SLC7A1: variants seen among roughly 807,000 people sequenced by gnomAD.
SLC7A1 encodes solute carrier family 7 member 1, also known as high affinity cationic amino acid transporter 1.
SLC7A1 carries 10 observed loss-of-function variants against 53.9 expected under a neutral mutation model. That is an observed-to-expected ratio of 0.19 (90% confidence interval 0.11 to 0.31). The LOEUF is 0.31. SLC7A1 is among the 10% of genes least tolerant of loss of function. The pLI is 1.00. For missense variants in SLC7A1, 525 were observed against 827.2 expected (o/e 0.63, Z 4.48); for synonymous variants, 342 against 338.7 (o/e 1.01, Z -0.11).
intron 5 of SLC7A1, among the ~76,000 whole-genome samples, chr13:29,530,206 C>T (rs1869086006): frequency 6.6e-6 from 1 of 152,126 alleles, no homozygotes; most frequent in Admixed American, 6.5e-5. Flanking sequence ...CAAAGTTGGC[C>T]ATCAAACAGA....
At chr13:29,593,292 T>C (rs1872182931) in intron 1 of SLC7A1, among the ~76,000 whole-genome samples, 1 of 152,210 alleles carries the variant, frequency 6.6e-6, no homozygotes, top group Non-Finnish European at 1.5e-5. Flanking sequence ...GCCAATCCTA[T>C]TGGATCTGCC....
intron 1 of SLC7A1, among the ~76,000 whole-genome samples, chr13:29,586,063 G>A (rs911864720): frequency 6.6e-6 from 1 of 152,104 alleles, no homozygotes; most frequent in Non-Finnish European, 1.5e-5. Context: ...CCCCATCTGG[G>A]AACATTAGGA....
intron 3 of SLC7A1, 104 bp from the exon 4 acceptor site, chr13:29,533,086 G>T: frequency 8.5e-7 from 1 of 1,174,264 alleles, no homozygotes; most frequent in Non-Finnish European, 1.2e-6. Flanking sequence ...GTCACCGACG[G>T]TGCACTGGAA....
intron 1 of SLC7A1, among the ~76,000 whole-genome samples, chr13:29,557,767 A>G (rs1336355563): frequency 5.5e-5 from 5 of 91,124 alleles, no homozygotes; most frequent in Middle Eastern, 5.5e-3. Context: ...AGGAGTGAAT[A>G]TGAGTGAGGG....
intron 1 of SLC7A1, among the ~76,000 whole-genome samples, chr13:29,591,000 C>A (rs1261970335): frequency 2.6e-5 from 4 of 152,010 alleles, no homozygotes; most frequent in Non-Finnish European, 5.9e-5. Context: ...GTTCCAGGTA[C>A]CTCAGAGGCT....
intron 9 of SLC7A1, 77 bp from the exon 10 acceptor site, chr13:29,517,867 G>A (rs1593538931): frequency 8.6e-7 from 1 of 1,158,126 alleles, no homozygotes; most frequent in East Asian, 2.4e-5. Context: ...TTCTCAATAA[G>A]CCTCCAAAGT....
At chr13:29,516,012 G>A in intron 12 of SLC7A1, 126 bp downstream of exon 12, 1 of 604,364 alleles carries the variant, frequency 1.7e-6, no homozygotes, top group Non-Finnish European at 3.0e-6. Context: ...CAGCCTACCA[G>A]GGATTCAGCA....
At position 29,538,815 on chromosome 13, in the gene SLC7A1, C is replaced by T. The variant is rs571664281; in HGVS notation, c.-14-2613G>A. 4.6e-5 allele frequency among the ~76,000 whole-genome samples: 7 copies of T among 152,286 alleles called. No homozygotes were observed. In the South Asian group the frequency reaches 1.0e-3, roughly 23 times the overall value. On this transcript the variant is annotated intron_variant, in intron 2 of 12. Coordinates refer to ENST00000380752, the MANE Select transcript of SLC7A1 (RefSeq NM_003045.5). ...GCTGGGAGATGTGCAAAAATTGCTG[C>T]GAAGTCACTTCTCAATATCCCTTTT... is the stretch of plus-strand genomic sequence containing the variant.
At chr13:29,587,261 C>T (rs1040558713) in intron 1 of SLC7A1, among the ~76,000 whole-genome samples, 1 of 152,246 alleles carries the variant, frequency 6.6e-6, no homozygotes, top group African/African-American at 2.4e-5. Flanking sequence ...AGCAAAGACC[C>T]GTTCTGGGCC....
Position 29,510,512 on chromosome 13 carries a change from T to C in SLC7A1, c.*3968A>G, listed in dbSNP as rs1341166507. 6.6e-6 allele frequency: 1 copy of C among 152,276 alleles called. No individual in the cohort carries two copies. Among genetic ancestry groups the C allele is most frequent in the Non-Finnish European group, 1.5e-5 (1 of 68,036 alleles). The allele number at this position is 152,276 out of a possible 1,614,324, so 9.4% of individuals were successfully genotyped here. Reference sequence around the variant, plus strand: ...ATGACGATGGCAAACAGATATATTTTAAATTACACGTAACAATTATACATA... The same window carrying C: ...ATGACGATGGCAAACAGATATATTTCAAATTACACGTAACAATTATACATA... On this transcript the variant is annotated 3_prime_UTR_variant, in exon 13 of 13. Coordinates refer to ENST00000380752, the MANE Select transcript of SLC7A1 (RefSeq NM_003045.5).
At chr13:29,565,518 A>T (rs1870932611) in intron 1 of SLC7A1, among the ~76,000 whole-genome samples, 1 of 152,116 alleles carries the variant, frequency 6.6e-6, no homozygotes. Context: ...CTTCTCCAGG[A>T]CCTCTTATAG....
At chr13:29,534,050 A>T (rs1869294504) in intron 3 of SLC7A1, among the ~76,000 whole-genome samples, 1 of 152,124 alleles carries the variant, frequency 6.6e-6, no homozygotes, top group African/African-American at 2.4e-5. Context: ...TTCTGTAAAA[A>T]TGGTCTCACC....
chr13:29,535,669 T>A, intron 3 of SLC7A1, 150 bp downstream of exon 3: 1 of 745,220 alleles, frequency 1.3e-6, no homozygotes, highest in East Asian at 2.7e-5. Flanking sequence ...AGAAACTAAA[T>A]ACCTCTAAAT....
At chr13:29,528,668 G>C (rs570017553) in intron 5 of SLC7A1, among the ~76,000 whole-genome samples, 2 of 152,278 alleles carry the variant, frequency 1.3e-5, no homozygotes, top group African/African-American at 2.4e-5. Context: ...CAACATAATA[G>C]AGCATGCCAA....
intron 1 of SLC7A1, among the ~76,000 whole-genome samples, chr13:29,580,212 G>T (rs3803266): frequency 1.3e-5 from 2 of 151,892 alleles, no homozygotes; most frequent in Non-Finnish European, 2.9e-5. Context: ...TCTAACTCCA[G>T]GCCGTGACTG....
Position 29,536,176 on chromosome 13 carries a change from C to T in SLC7A1, c.13G>A (p.Val5Ile). The T allele has an allele frequency of 6.2e-7, 1 of 1,612,924 alleles. No individual in the cohort carries two copies. Residue 5 changes from valine (V) to isoleucine (I), a missense_variant, in exon 3 of 13, where the codon GTC becomes ATC. Val to Ile is a conservative substitution (Grantham distance 29). Coordinates refer to ENST00000380752, the MANE Select transcript of SLC7A1 (RefSeq NM_003045.5). MGCK[V>I]LLNIGQQMLR... ...ATCTGCTGCCCAATGTTGAGCAGGACTTTGCACCCCATGTTGCTGTTCAGA... is the reference window on the plus strand; with the variant it reads ...ATCTGCTGCCCAATGTTGAGCAGGATTTTGCACCCCATGTTGCTGTTCAGA...
intron 4 of SLC7A1, among the ~76,000 whole-genome samples, chr13:29,531,316 GT>G (rs35134959): frequency 4.7e-5 from 7 of 149,868 alleles, no homozygotes; most frequent in Non-Finnish European, 8.9e-5. Flanking sequence ...GCAAACTCAC[GT>G]TTTTTTTTTA....
chr13:29,510,049 T>G lies in SLC7A1; in HGVS notation c.*4431A>C, dbSNP rs576530660. ...TTAACAGTCTGAGTGCATCTTTCCA[T>G]CCTGCTTCCTGACCCTGCTGGACAC... On this transcript the variant is annotated 3_prime_UTR_variant, in exon 13 of 13. Coordinates refer to ENST00000380752, the MANE Select transcript of SLC7A1 (RefSeq NM_003045.5). 2 of 152,784 alleles carry G rather than the reference T, an allele frequency of 1.3e-5. No individual in the cohort carries two copies. Among genetic ancestry groups the G allele is most frequent in the African/African-American group, 4.8e-5 (2 of 41,584 alleles). 9.5% of individuals were successfully genotyped at this position (152,784 alleles called of 1,614,324 possible).
At chr13:29,522,516 C>T (rs2139078061) in intron 7 of SLC7A1, 60 bp from the exon 8 acceptor site, 2 of 1,585,380 alleles carry the variant, frequency 1.3e-6, no homozygotes, top group Non-Finnish European at 1.7e-6. Flanking sequence ...AAAGGCACCA[C>T]ATCCAGCCAT....
Sources: allele counts gnomAD v4.1 joint callset (sites outside exome capture counted in the v4.1 genomes callset), GRCh38; gene constraint gnomAD v4.1.1; transcripts MANE v1.5; gene names NCBI Gene and HGNC (gene_info 2026-07-23, HGNC 2026-07-21).